Variants in KCNK13 observed in about 807,000 individuals in gnomAD.
KCNK13 encodes potassium channel subfamily K member 13.
KCNK13 carries 12 observed loss-of-function variants against 23.4 expected under a neutral mutation model. The ratio of observed to expected loss-of-function variants is 0.51; its 90% CI spans 0.33 to 0.83. The LOEUF (loss-of-function observed/expected upper bound fraction) is 0.83. KCNK13 is among the 40% of genes least tolerant of loss of function. The probability of loss-of-function intolerance (pLI) is 0.02; values close to 1 mark genes in which losing one functional copy is unlikely to be tolerated. For synonymous variants in KCNK13, 231 were observed against 229.5 expected, an observed-to-expected ratio of 1.01 and a Z score of -0.06; for missense variants, 463 against 556.3, an observed-to-expected ratio of 0.83 and a Z score of 1.69.
intron 1 of KCNK13, among the ~76,000 whole-genome samples, chr14:90,175,863 C>A (rs1174021501): frequency 6.6e-6 from 1 of 152,128 alleles, no homozygotes; most frequent in Non-Finnish European, 1.5e-5. Context: ...CACTAGGAAT[C>A]CAGTCATCTA....
intron 1 of KCNK13, among the ~76,000 whole-genome samples, chr14:90,101,042 AAGG>A (rs1889470390): frequency 6.6e-6 from 1 of 152,082 alleles, no homozygotes; most frequent in Non-Finnish European, 1.5e-5. Flanking sequence ...CTTTGCAACT[AAGG>A]AGGTTGCAGT....
At chr14:90,103,393 C>A (rs1268860889) in intron 1 of KCNK13, among the ~76,000 whole-genome samples, 1 of 152,210 alleles carries the variant, frequency 6.6e-6, no homozygotes, top group East Asian at 1.9e-4. Context: ...TACATTCCCA[C>A]CAATAGTGTA....
intron 1 of KCNK13, among the ~76,000 whole-genome samples, chr14:90,104,004 T>C (rs1566952124): frequency 6.6e-6 from 1 of 152,234 alleles, no homozygotes; most frequent in East Asian, 1.9e-4. Flanking sequence ...CCCAGATGTA[T>C]AAGATCAGTC....
chr14:90,137,840 G>T (rs1227455803), intron 1 of KCNK13, among the ~76,000 whole-genome samples: 1 of 152,190 alleles, frequency 6.6e-6, no homozygotes, highest in Non-Finnish European at 1.5e-5. Flanking sequence ...ACACACGATT[G>T]TGTGTTTAAA....
intron 1 of KCNK13, among the ~76,000 whole-genome samples, chr14:90,111,975 T>C (rs1889620214): frequency 6.6e-6 from 1 of 152,068 alleles, no homozygotes; most frequent in Admixed American, 6.5e-5. Context: ...CCTAGGCTAG[T>C]CGTTCAGCAG....
intron 1 of KCNK13, among the ~76,000 whole-genome samples, chr14:90,083,342 T>C (rs1217659173): frequency 6.6e-6 from 1 of 152,224 alleles, no homozygotes; most frequent in Non-Finnish European, 1.5e-5. Context: ...AAGAAACCAT[T>C]ACCTAATCTA....
intron 1 of KCNK13, among the ~76,000 whole-genome samples, chr14:90,102,809 A>AT (rs1221599881): frequency 6.6e-6 from 1 of 151,956 alleles, no homozygotes; most frequent in African/African-American, 2.4e-5. Context: ...ACATTCTGGG[A>AT]TTTTTTTCCT....
chr14:90,185,254 A>C lies in KCNK13; in HGVS notation c.*251A>C. 2.5e-6 allele frequency: 1 copy of C among 398,130 alleles called. No homozygotes were observed. Among genetic ancestry groups the C allele is most frequent in the Non-Finnish European group, 4.5e-6 (1 of 223,724 alleles). The allele number at this position is 398,130 out of a possible 1,614,324, so 24.7% of individuals were successfully genotyped here. A position where few individuals can be genotyped will look rare whatever the true frequency, so the allele number is the denominator to read the frequency against. On this transcript the variant is annotated 3_prime_UTR_variant, in exon 2 of 2. Transcript: ENST00000282146. ...TCTAAATTCAGTCTTTTCAAAACAAATCACAAAAGCAGCATTAGACATTGC... is the reference window on the plus strand; with the variant it reads ...TCTAAATTCAGTCTTTTCAAAACAACTCACAAAAGCAGCATTAGACATTGC...
In KCNK13 at chr14:90,096,127, C is replaced by T. The variant is rs529878967; in HGVS notation, c.334+33588C>T. Among the ~76,000 whole-genome samples, 18 of 152,272 alleles carry T rather than the reference C, an allele frequency of 1.2e-4. No homozygotes were observed. The South Asian group carries it at 1.7e-3, about 14-fold the overall frequency. ...ATGTGTTCAGCAATCTGGAAGCTCTCCAAACCTTGTCCTTTGGGGTTTTTA... is the reference window on the plus strand; with the variant it reads ...ATGTGTTCAGCAATCTGGAAGCTCTTCAAACCTTGTCCTTTGGGGTTTTTA... On this transcript the variant is annotated intron_variant, in intron 1 of 1. Transcript: ENST00000282146.
chr14:90,157,702 C>CTTTTTTTTTTTTTTTTTTTT, intron 1 of KCNK13, among the ~76,000 whole-genome samples: 1 of 100,348 alleles, frequency 1.0e-5, no homozygotes, highest in Non-Finnish European at 1.9e-5. Context: ...CTTGGCTTTC[C>CTTTTTTTTTTTTTTTTTTTT]TTTTTTTTTT....
chr14:90,081,723 G>T (rs745548553), intron 1 of KCNK13, among the ~76,000 whole-genome samples: 1 of 152,148 alleles, frequency 6.6e-6, no homozygotes, highest in Non-Finnish European at 1.5e-5. Context: ...ACCCTTTAGC[G>T]TTTGCCCCCT....
chr14:90,084,518 C>T (rs1264325789), intron 1 of KCNK13, among the ~76,000 whole-genome samples: 1 of 152,232 alleles, frequency 6.6e-6, no homozygotes, highest in East Asian at 1.9e-4. Flanking sequence ...AATGTATTAA[C>T]TCTAAAAATT....
At chr14:90,085,702 T>A (rs1889263338) in intron 1 of KCNK13, among the ~76,000 whole-genome samples, 1 of 141,466 alleles carries the variant, frequency 7.1e-6, no homozygotes, top group Non-Finnish European at 1.5e-5. Flanking sequence ...TATATAAATT[T>A]ATATATTATA....
rs1889636866 is a variant in KCNK13, at chr14:90,113,234, TTA to T, written c.334+50696_334+50697del. The stretch of plus-strand genomic sequence containing the variant: ...TGCACCTGGTTGAAAAGTTTTTTTT[TTA>T]AATGGAAAAACATGGTACTGGTTTA... On this transcript the variant is annotated intron_variant, in intron 1 of 1. Coordinates refer to ENST00000282146, the MANE Select transcript of KCNK13 (RefSeq NM_022054.4). Among the ~76,000 whole-genome samples, 4 of 152,210 alleles carry T rather than the reference TTA, an allele frequency of 2.6e-5. No homozygotes were observed. The South Asian group carries it at 8.3e-4, about 32-fold the overall frequency.
At chr14:90,098,937 G>C (rs1477609903) in intron 1 of KCNK13, among the ~76,000 whole-genome samples, 1 of 152,048 alleles carries the variant, frequency 6.6e-6, no homozygotes, top group Non-Finnish European at 1.5e-5. Context: ...AATTAGCCGG[G>C]CGTGATGGCA....
At chr14:90,176,298 C>T (rs928976435) in intron 1 of KCNK13, among the ~76,000 whole-genome samples, 2 of 152,146 alleles carry the variant, frequency 1.3e-5, no homozygotes, top group Non-Finnish European at 2.9e-5. Flanking sequence ...ACTAGAATGT[C>T]ATGAAGTCTG....
At chr14:90,128,813 G>T (rs1254151297) in intron 1 of KCNK13, among the ~76,000 whole-genome samples, 1 of 152,056 alleles carries the variant, frequency 6.6e-6, no homozygotes, top group Non-Finnish European at 1.5e-5. Context: ...TTAAAAATCT[G>T]ATATTTGATA....
intron 1 of KCNK13, among the ~76,000 whole-genome samples, chr14:90,183,823 A>C (rs899755939): frequency 2.6e-5 from 4 of 152,216 alleles, no homozygotes; most frequent in Non-Finnish European, 5.9e-5. Flanking sequence ...TCCAGCCCAC[A>C]TTCTTGTCAC....
chr14:90,087,703 T>C (rs1889297620), intron 1 of KCNK13, among the ~76,000 whole-genome samples: 1 of 152,220 alleles, frequency 6.6e-6, no homozygotes, highest in Admixed American at 6.5e-5. Flanking sequence ...GGGTCATCAT[T>C]GGCAGCATAA....
Sources: gnomAD v4.1 joint callset for allele counts (sites outside exome capture counted in the v4.1 genomes callset) on GRCh38, gnomAD v4.1.1 for gene constraint, MANE v1.5 for transcripts, NCBI Gene and HGNC (gene_info 2026-07-23, HGNC 2026-07-21) for gene names.